Variants in LYST observed in about 807,000 individuals in gnomAD.
The protein encoded by LYST is lysosomal-trafficking regulator.
In LYST, 192 loss-of-function variants were observed where a neutral mutation model predicts 413.6. That is an observed-to-expected ratio of 0.46 (90% CI 0.41 to 0.52). The LOEUF (loss-of-function observed/expected upper bound fraction) is 0.52, where lower values mean the gene tolerates loss of function less well. LYST is among the 20% of genes least tolerant of loss of function. The pLI is 0.00. For missense variants in LYST, 3,815 were observed against 4,499.9 expected, an observed-to-expected ratio of 0.85 and a Z score of 4.35; for synonymous variants, 1,525 against 1,567.3, an observed-to-expected ratio of 0.97 and a Z score of 0.64.
chr1:235,833,133 G>A lies in LYST; in HGVS notation c.-8+445C>T, dbSNP rs116762746. 2.6e-3 allele frequency among the ~76,000 whole-genome samples: 388 copies of A among 151,380 alleles called. 3 individuals carry two copies. Among genetic ancestry groups the A allele is most frequent in the African/African-American group, 9.0e-3 (372 of 41,430 alleles). ...GCACTAACAGAACAACATCAGTTGT[G>A]GTGATGGGGACACTTTTGCTTTGTA... On this transcript the variant is annotated intron_variant, in intron 2 of 52. Transcript: ENST00000389793.
At chr1:235,765,603 T>C (rs1009189505) in intron 21 of LYST, among the ~76,000 whole-genome samples, 1 of 152,158 alleles carries the variant, frequency 6.6e-6, no homozygotes, top group African/African-American at 2.4e-5. Flanking sequence ...TATATATAGG[T>C]AAAACTCATT....
chr1:235,805,814 C>T lies in LYST; in HGVS notation c.3322G>A (p.Ala1108Thr). ...TSLQSIRLLE[A>T]LLAICLHGAR... Reference sequence around the variant, plus strand: ...CCATGAAGACAAATGGCCAGAAGGGCTTCCAAAAGTCGTATACTTTGAAGT... The same window carrying T: ...CCATGAAGACAAATGGCCAGAAGGGTTTCCAAAAGTCGTATACTTTGAAGT... Residue 1108 changes from alanine to threonine, a missense_variant, in exon 6 of 53, where the codon GCC becomes ACC. Physicochemically the swap from Ala to Thr is moderately conservative, Grantham distance 58 (BLOSUM62 0). This residue lies in a region of LYST where 1,648 missense variants were observed against 1,810.3 expected (regional missense o/e 0.91). Transcript: ENST00000389793. The T allele has an allele frequency of 6.2e-7, 1 of 1,613,482 alleles. No homozygotes were observed. Among genetic ancestry groups the T allele is most frequent in the Non-Finnish European group, 8.5e-7 (1 of 1,179,786 alleles).
Position 235,830,214 on chromosome 1 carries a change from T to C in LYST, c.192+12A>G. The C allele has an allele frequency of 6.3e-7, 1 of 1,587,960 alleles. No individual in the cohort carries two copies. Among genetic ancestry groups the C allele is most frequent in the Non-Finnish European group, 8.6e-7 (1 of 1,156,542 alleles). On this transcript the variant is annotated intron_variant, in intron 3 of 52. Coordinates refer to ENST00000389793, the MANE Select transcript of LYST (RefSeq NM_000081.4). The stretch of plus-strand genomic sequence containing the variant: ...TATTGATGAAAGTAAGTATTTGATA[T>C]AAAAATGTTACCTGATCAATTATAG...
At chr1:235,863,267 C>T (rs1308422352) in intron 1 of LYST, among the ~76,000 whole-genome samples, 1 of 151,944 alleles carries the variant, frequency 6.6e-6, no homozygotes. Flanking sequence ...TGGCACACAC[C>T]TGTAGTCCCA....
intron 10 of LYST, 90 bp from the exon 11 acceptor site, chr1:235,793,702 G>A: frequency 5.7e-6 from 4 of 702,792 alleles, no homozygotes; most frequent in Non-Finnish European, 1.0e-5. Context: ...AAATACTATT[G>A]TCACTTTTTG....
At chr1:235,787,408 A>G in intron 13 of LYST, 35 bp from the exon 14 acceptor site, 1 of 1,572,540 alleles carries the variant, frequency 6.4e-7, no homozygotes, top group South Asian at 1.1e-5. Context: ...GGCTGAAAAC[A>G]TGAAAATTCT....
At chr1:235,691,699 CTT>C (rs1161712139) in intron 47 of LYST, among the ~76,000 whole-genome samples, 4 of 141,958 alleles carry the variant, frequency 2.8e-5, no homozygotes, top group Non-Finnish European at 1.5e-5. Context: ...CAGATTCTCT[CTT>C]TTTTTTTTTT....
intron 29 of LYST, among the ~76,000 whole-genome samples, chr1:235,745,195 T>C (rs1665795779): frequency 6.6e-6 from 1 of 152,212 alleles, no homozygotes; most frequent in Admixed American, 6.5e-5. Flanking sequence ...TTAACATATC[T>C]ATCACCTCAC....
At chr1:235,812,946 GAT>G (rs1479302029) in intron 4 of LYST, 23 bp downstream of exon 4, 1 of 1,431,860 alleles carries the variant, frequency 7.0e-7, no homozygotes, top group East Asian at 2.3e-5. Context: ...TAACACAAGT[GAT>G]ATGATAAAGG....
intron 1 of LYST, among the ~76,000 whole-genome samples, chr1:235,855,663 A>C (rs921779655): frequency 3.3e-5 from 5 of 152,158 alleles, no homozygotes. Flanking sequence ...TAGCTGTACT[A>C]TAATAATAAA....
chr1:235,831,820 TA>T (rs1277293402), intron 2 of LYST, among the ~76,000 whole-genome samples: 3 of 152,210 alleles, frequency 2.0e-5, no homozygotes, highest in Admixed American at 2.0e-4. Flanking sequence ...GTAAAAGTAT[TA>T]AATAAATCCA....
intron 10 of LYST, among the ~76,000 whole-genome samples, chr1:235,795,089 T>G (rs185582443): frequency 7.2e-5 from 11 of 152,254 alleles, no homozygotes; most frequent in Non-Finnish European, 1.3e-4. Context: ...AGAATTCCTT[T>G]GAATTACAAA....
chr1:235,667,748 C>A (rs1048965384), intron 50 of LYST, among the ~76,000 whole-genome samples: 1 of 151,894 alleles, frequency 6.6e-6, no homozygotes, highest in Admixed American at 6.6e-5. Context: ...CTCACTGCAA[C>A]CTCCGCTTCC....
intron 48 of LYST, among the ~76,000 whole-genome samples, chr1:235,678,115 C>G (rs1039100172): frequency 6.6e-6 from 1 of 150,602 alleles, no homozygotes. Flanking sequence ...AGAGGGCAGA[C>G]CTTTGGGAAA....
At chr1:235,688,168 A>G (rs1259521830) in intron 47 of LYST, among the ~76,000 whole-genome samples, 1 of 152,258 alleles carries the variant, frequency 6.6e-6, no homozygotes, top group Admixed American at 6.5e-5. Flanking sequence ...AATAAAACTC[A>G]TTCTGTCTTG....
intron 1 of LYST, among the ~76,000 whole-genome samples, chr1:235,850,158 G>A (rs1321985402): frequency 6.6e-6 from 1 of 152,112 alleles, no homozygotes; most frequent in Non-Finnish European, 1.5e-5. Context: ...AAATAGTGTG[G>A]TACTGGTATA....
At chr1:235,869,340 C>G (rs189174982), upstream of LYST, among the ~76,000 whole-genome samples, 1 of 152,096 alleles carries the variant, frequency 6.6e-6, no homozygotes. Context: ...GGCGCGGTGG[C>G]GGACGCCTGT....
chr1:235,852,548 T>C (rs1678664187), intron 1 of LYST, among the ~76,000 whole-genome samples: 1 of 152,196 alleles, frequency 6.6e-6, no homozygotes, highest in Admixed American at 6.5e-5. Context: ...GGGCAAATCT[T>C]ATGCATTCTA....
intron 6 of LYST, 107 bp downstream of exon 6, chr1:235,805,636 T>C (rs1298165043): frequency 1.6e-5 from 6 of 373,246 alleles, no homozygotes; most frequent in African/African-American, 4.3e-5. Flanking sequence ...ATAATATATA[T>C]ATTACATATA....
Sources: allele counts gnomAD v4.1 joint callset (sites outside exome capture counted in the v4.1 genomes callset), GRCh38; gene constraint gnomAD v4.1.1; regional missense constraint gnomAD v4.1.1; transcripts MANE v1.5; gene names NCBI Gene and HGNC (gene_info 2026-07-23, HGNC 2026-07-21).